The following ELMO1 variants were observed in gnomAD, a reference collection of about 807,000 sequenced individuals.
The protein encoded by ELMO1 is engulfment and cell motility 1.
A neutral mutation model predicts 98.9 loss-of-function variants in ELMO1; 26 were observed. The observed-to-expected ratio is 0.26, with a 90% CI of 0.19 to 0.36. The LOEUF (loss-of-function observed/expected upper bound fraction) is 0.36. ELMO1 is among the 10% of genes least tolerant of loss of function. ELMO1 has a pLI of 1.00. For missense variants in ELMO1, 627 were observed against 935.2 expected, an observed-to-expected ratio of 0.67 and a Z score of 4.30; for synonymous variants, 346 against 346.0, an observed-to-expected ratio of 1.00 and a Z score of 0.00.
At chr7:36,966,336 G>T (rs182526237) in intron 16 of ELMO1, among the ~76,000 whole-genome samples, 1 of 152,302 alleles carries the variant, frequency 6.6e-6, no homozygotes, top group East Asian at 1.9e-4. Context: ...TCAGCGTGAA[G>T]GTTATTTATA....
At chr7:36,894,833 A>G in intron 17 of ELMO1, 21 bp downstream of exon 17, 1 of 1,614,036 alleles carries the variant, frequency 6.2e-7, no homozygotes. Context: ...GGGAGATAGA[A>G]GTCAATACTA....
chr7:37,220,788 C>T (rs10225764), intron 10 of ELMO1, among the ~76,000 whole-genome samples: 42,501 of 151,936 alleles, frequency 0.28, 6,589 homozygotes, highest in African/African-American at 0.41. Context: ...GAACTTTCAC[C>T]TCCTCTAATC....
At chr7:37,037,360 C>T (rs1795240806) in intron 15 of ELMO1, among the ~76,000 whole-genome samples, 1 of 152,170 alleles carries the variant, frequency 6.6e-6, no homozygotes. Flanking sequence ...TTGCATTTCC[C>T]TCCCCAGGTC....
intron 17 of ELMO1, 84 bp downstream of exon 17, chr7:36,894,770 A>G: frequency 6.4e-7 from 1 of 1,566,546 alleles, no homozygotes; most frequent in Non-Finnish European, 8.7e-7. Context: ...CTCACAACAC[A>G]GCCCAGCTTC....
At chr7:37,368,500 C>T (rs1801988574) in intron 1 of ELMO1, among the ~76,000 whole-genome samples, 2 of 152,080 alleles carry the variant, frequency 1.3e-5, no homozygotes, top group South Asian at 2.1e-4. Flanking sequence ...TTCTCTCTGA[C>T]CTGCTTCCAC....
At chr7:37,316,932 C>A (rs1467061849) in intron 2 of ELMO1, among the ~76,000 whole-genome samples, 2 of 152,218 alleles carry the variant, frequency 1.3e-5, no homozygotes, top group Non-Finnish European at 2.9e-5. Context: ...AGTTCAAATC[C>A]AGCTCTATCA....
chr7:37,079,376 T>C (rs1043699799), intron 15 of ELMO1, among the ~76,000 whole-genome samples: 1 of 152,208 alleles, frequency 6.6e-6, no homozygotes, highest in Non-Finnish European at 1.5e-5. Flanking sequence ...ACAGACACTC[T>C]TGAAAAAGTA....
intron 4 of ELMO1, among the ~76,000 whole-genome samples, chr7:37,292,811 G>C (rs200448670): frequency 0.45 from 30,693 of 68,396 alleles, 9,188 homozygotes; most frequent in East Asian, 0.69. Flanking sequence ...CCCCCCGCCC[G>C]GCCAGCCGCC....
chr7:37,404,577 A>G (rs535596605), intron 1 of ELMO1, among the ~76,000 whole-genome samples: 14 of 152,334 alleles, frequency 9.2e-5, no homozygotes, highest in African/African-American at 2.9e-4. Flanking sequence ...GGTTGTTCCA[A>G]TAAAGGTTCT....
chr7:37,239,795 T>A (rs997610367), intron 7 of ELMO1, among the ~76,000 whole-genome samples: 1 of 152,308 alleles, frequency 6.6e-6, no homozygotes, highest in Non-Finnish European at 1.5e-5. Flanking sequence ...TGGGTAGAAA[T>A]GACCAGGCTC....
chr7:37,415,294 C>T (rs896998305), intron 1 of ELMO1, among the ~76,000 whole-genome samples: 3 of 152,154 alleles, frequency 2.0e-5, no homozygotes, highest in Non-Finnish European at 2.9e-5. Context: ...AGTTATGTTA[C>T]GTGAAAATAC....
intron 7 of ELMO1, among the ~76,000 whole-genome samples, chr7:37,234,358 T>C (rs757856128): frequency 6.6e-5 from 10 of 152,228 alleles, no homozygotes; most frequent in Non-Finnish European, 1.5e-4. Context: ...ACAGGTAACA[T>C]TTCTTTTAAA....
intron 7 of ELMO1, among the ~76,000 whole-genome samples, chr7:37,242,159 T>A (rs1258987306): frequency 1.3e-5 from 2 of 152,212 alleles, no homozygotes; most frequent in East Asian, 3.8e-4. Context: ...TACTCATTAT[T>A]CATTTTATCA....
intron 15 of ELMO1, among the ~76,000 whole-genome samples, chr7:37,084,571 A>G (rs1783659889): frequency 6.6e-6 from 1 of 152,162 alleles, no homozygotes; most frequent in African/African-American, 2.4e-5. Context: ...AATTCACTCC[A>G]TCTAATACCT....
At chr7:37,388,414 A>AT (rs3054376) in intron 1 of ELMO1, among the ~76,000 whole-genome samples, 12,567 of 149,068 alleles carry the variant, frequency 0.084, 562 homozygotes, top group Middle Eastern at 0.094. Flanking sequence ...TATGTAACTA[A>AT]TTTTTTTTTT....
chr7:37,053,334 A>AT (rs994941552), intron 15 of ELMO1, among the ~76,000 whole-genome samples: 1 of 151,038 alleles, frequency 6.6e-6, no homozygotes, highest in Admixed American at 6.6e-5. Context: ...ACACACACAG[A>AT]AAACAACAAC....
At chr7:37,246,646 ATCTTGTGTT>A (rs996401210) in intron 6 of ELMO1, among the ~76,000 whole-genome samples, 1 of 152,168 alleles carries the variant, frequency 6.6e-6, no homozygotes, top group African/African-American at 2.4e-5. Flanking sequence ...AAAAAACAAA[ATCTTGTGTT>A]TCAGTAGAAA....
chr7:37,328,301 T>C (rs1799922419), intron 2 of ELMO1, among the ~76,000 whole-genome samples: 1 of 141,294 alleles, frequency 7.1e-6, no homozygotes, highest in Non-Finnish European at 1.5e-5. Flanking sequence ...GAGGATCACT[T>C]GAACCCAGAA....
intron 15 of ELMO1, among the ~76,000 whole-genome samples, chr7:37,014,650 G>A (rs1222351946): frequency 8.4e-5 from 12 of 142,366 alleles, no homozygotes; most frequent in South Asian, 6.8e-4. Flanking sequence ...AACTGGCCCC[G>A]GTGTGTGTTG....
Sources: allele counts gnomAD v4.1 joint callset (sites outside exome capture counted in the v4.1 genomes callset), GRCh38; gene constraint gnomAD v4.1.1; transcripts MANE v1.5; gene names NCBI Gene and HGNC (gene_info 2026-07-23, HGNC 2026-07-21).